The following ITPR2 variants were observed in gnomAD, a reference collection of about 807,000 sequenced individuals.
The protein encoded by ITPR2 is inositol 1,4,5-trisphosphate receptor type 2, also known as inositol 1,4,5-trisphosphate-gated calcium channel ITPR2.
In ITPR2, 207 loss-of-function variants were observed where a neutral mutation model predicts 317.1. The observed-to-expected ratio is 0.65, with a 90% CI of 0.58 to 0.73. ITPR2 has a LOEUF of 0.73. Among genes scored for constraint, ITPR2 ranks in the 30% least tolerant of loss-of-function variants. The probability of loss-of-function intolerance (pLI) is 0.00; values close to 1 mark genes in which losing one functional copy is unlikely to be tolerated. For missense variants in ITPR2, 2,613 were observed against 3,284.0 expected, an observed-to-expected ratio of 0.80 and a Z score of 4.99; for synonymous variants, 1,156 against 1,149.1, an observed-to-expected ratio of 1.01 and a Z score of -0.12.
chr12:26,544,593 C>CA (rs1944344234), intron 37 of ITPR2, among the ~76,000 whole-genome samples: 1 of 85,000 alleles, frequency 1.2e-5, no homozygotes, highest in Non-Finnish European at 3.3e-5. Context: ...GACAAACACA[C>CA]AGAGACACAC....
chr12:26,564,935 A>G (rs1944909432), intron 34 of ITPR2, among the ~76,000 whole-genome samples: 1 of 152,218 alleles, frequency 6.6e-6, no homozygotes, highest in Non-Finnish European at 1.5e-5. Flanking sequence ...TGGAGAAAAT[A>G]TCAAGTACTT....
intron 37 of ITPR2, among the ~76,000 whole-genome samples, chr12:26,516,633 T>G (rs891847156): frequency 6.6e-6 from 1 of 152,300 alleles, no homozygotes; most frequent in Admixed American, 6.5e-5. Context: ...AATTTTTATA[T>G]GCACTTTTTA....
intron 45 of ITPR2, among the ~76,000 whole-genome samples, chr12:26,469,907 C>T (rs1207195069): frequency 2.0e-5 from 3 of 152,178 alleles, no homozygotes; most frequent in Admixed American, 6.5e-5. Flanking sequence ...GGAGATTCCA[C>T]ATTTTCACAA....
At chr12:26,726,540 G>C (rs1419045489) in intron 2 of ITPR2, among the ~76,000 whole-genome samples, 1 of 152,110 alleles carries the variant, frequency 6.6e-6, no homozygotes, top group African/African-American at 2.4e-5. Flanking sequence ...TCATAAAAGA[G>C]TAGTAATACA....
intron 43 of ITPR2, among the ~76,000 whole-genome samples, chr12:26,477,298 T>C (rs1017462530): frequency 6.6e-6 from 1 of 152,084 alleles, no homozygotes; most frequent in Non-Finnish European, 1.5e-5. Context: ...TAAAATATAA[T>C]CATATTTTCC....
intron 2 of ITPR2, among the ~76,000 whole-genome samples, chr12:26,789,145 T>C (rs1416013300): frequency 6.6e-6 from 1 of 152,234 alleles, no homozygotes; most frequent in African/African-American, 2.4e-5. Context: ...CAAATTTCTC[T>C]ACTTGGGGAG....
chr12:26,692,127 C>G (rs11048656), intron 10 of ITPR2, among the ~76,000 whole-genome samples: 12,789 of 152,110 alleles, frequency 0.084, 596 homozygotes, highest in Middle Eastern at 0.15. Context: ...GCCCCCCCGC[C>G]AAATTCTATG....
intron 54 of ITPR2, among the ~76,000 whole-genome samples, chr12:26,393,260 A>G (rs1939901283): frequency 1.3e-5 from 2 of 152,202 alleles, no homozygotes; most frequent in Admixed American, 6.5e-5. Context: ...ATCCAACTTT[A>G]CCAGGAACCA....
At chr12:26,769,021 ACACACC>A (rs1949792243) in intron 2 of ITPR2, among the ~76,000 whole-genome samples, 1 of 151,140 alleles carries the variant, frequency 6.6e-6, no homozygotes, top group African/African-American at 2.4e-5. Context: ...ACACACACAC[ACACACC>A]CCAATCTCAG....
chr12:26,382,676 C>CA (rs916461538), intron 55 of ITPR2, among the ~76,000 whole-genome samples: 26 of 148,798 alleles, frequency 1.7e-4, no homozygotes, highest in African/African-American at 2.5e-4. Flanking sequence ...CACACACACA[C>CA]AAAAAAAAAG....
intron 45 of ITPR2, among the ~76,000 whole-genome samples, chr12:26,443,953 A>G (rs1469135235): frequency 1.3e-5 from 2 of 152,184 alleles, no homozygotes; most frequent in African/African-American, 2.4e-5. Flanking sequence ...ACTACATGCA[A>G]ATAAAAACAA....
chr12:26,785,003 T>C (rs1950194699), intron 2 of ITPR2, among the ~76,000 whole-genome samples: 1 of 16,402 alleles, frequency 6.1e-5, no homozygotes, highest in African/African-American at 1.4e-4. Context: ...CAACCCTGTC[T>C]GGGAGGTGAG....
At chr12:26,527,395 T>C (rs1943835142) in intron 37 of ITPR2, among the ~76,000 whole-genome samples, 1 of 152,226 alleles carries the variant, frequency 6.6e-6, no homozygotes, top group Non-Finnish European at 1.5e-5. Context: ...CATCAAATTC[T>C]GAAAATTCTA....
chr12:26,390,428 G>C (rs1043088359), intron 54 of ITPR2, among the ~76,000 whole-genome samples: 8 of 152,156 alleles, frequency 5.3e-5, no homozygotes, highest in African/African-American at 1.9e-4. Flanking sequence ...ACAATAAAAA[G>C]GAACGAAGTA....
At chr12:26,714,331 T>C (rs1948701248) in intron 8 of ITPR2, among the ~76,000 whole-genome samples, 1 of 152,178 alleles carries the variant, frequency 6.6e-6, no homozygotes, top group South Asian at 2.1e-4. Flanking sequence ...CTTTGCTTTT[T>C]CATTTTCCTG....
intron 30 of ITPR2, among the ~76,000 whole-genome samples, chr12:26,598,874 C>T (rs1346039727): frequency 6.6e-6 from 1 of 152,054 alleles, no homozygotes; most frequent in African/African-American, 2.4e-5. Flanking sequence ...TCCAAACAAT[C>T]GACAACATTT....
chr12:26,514,091 TTA>T (rs552184417), intron 37 of ITPR2, among the ~76,000 whole-genome samples: 201 of 152,362 alleles, frequency 1.3e-3, no homozygotes, highest in African/African-American at 4.2e-3. Flanking sequence ...CTGCATAATT[TTA>T]GTCTTATTTT....
chr12:26,603,673 C>G (rs11048606), intron 26 of ITPR2, among the ~76,000 whole-genome samples: 11,157 of 152,170 alleles, frequency 0.073, 672 homozygotes, highest in East Asian at 0.31. Flanking sequence ...GACAAGTTTA[C>G]GAAGGAGGTC....
intron 55 of ITPR2, among the ~76,000 whole-genome samples, chr12:26,350,655 T>C (rs1591954038): frequency 6.6e-6 from 1 of 151,580 alleles, no homozygotes; most frequent in African/African-American, 2.4e-5. Flanking sequence ...AAGTGGTGGG[T>C]CTCACCCCCC....
Sources: gnomAD v4.1 joint callset for allele counts (sites outside exome capture counted in the v4.1 genomes callset) on GRCh38, gnomAD v4.1.1 for gene constraint, MANE v1.5 for transcripts, NCBI Gene and HGNC (gene_info 2026-07-23, HGNC 2026-07-21) for gene names.